The following STX12 variants were observed in gnomAD, a reference collection of about 807,000 sequenced individuals.
STX12 encodes the protein syntaxin-12.
A neutral mutation model predicts 42.2 loss-of-function variants in STX12; 17 were observed. That is an observed-to-expected ratio of 0.40 (90% confidence interval 0.28 to 0.60). The LOEUF is 0.60. Ranked by LOEUF, STX12 falls within the 20% of genes least tolerant of loss-of-function variation. The pLI is 0.39. For synonymous variants in STX12, 108 were observed against 116.7 expected (o/e 0.93, Z 0.48); for missense variants, 297 against 330.9 (o/e 0.90, Z 0.79).
intron 1 of STX12, among the ~76,000 whole-genome samples, chr1:27,781,879 T>A (rs1398913945): frequency 2.0e-5 from 3 of 152,186 alleles, no homozygotes; most frequent in African/African-American, 7.2e-5. Flanking sequence ...TGGTCTTGAG[T>A]TTGATAATAA....
intron 1 of STX12, among the ~76,000 whole-genome samples, chr1:27,780,067 A>G (rs2088657481): frequency 6.6e-6 from 1 of 152,080 alleles, no homozygotes; most frequent in African/African-American, 2.4e-5. Flanking sequence ...CTGGGATTAC[A>G]AGCATGAGTC....
chr1:27,801,263 TATG>T (rs1287449172), intron 3 of STX12, among the ~76,000 whole-genome samples: 1 of 151,710 alleles, frequency 6.6e-6, no homozygotes, highest in Non-Finnish European at 1.5e-5. Context: ...ATTAGCCAGG[TATG>T]GTGGTGGGTG....
intron 2 of STX12, among the ~76,000 whole-genome samples, chr1:27,791,050 C>T (rs892871272): frequency 3.9e-4 from 60 of 152,248 alleles, no homozygotes; most frequent in South Asian, 6.2e-4. Context: ...CACCCGAGGT[C>T]GGGAGTTCAA....
At chr1:27,819,014 G>A (rs1400779646) in intron 7 of STX12, among the ~76,000 whole-genome samples, 1 of 151,892 alleles carries the variant, frequency 6.6e-6, no homozygotes, top group African/African-American at 2.4e-5. Flanking sequence ...GGTTGCTCAC[G>A]CTTGTAATCC....
At chr1:27,820,014 G>C (rs1370976523) in intron 8 of STX12, 1 of 250,142 alleles carries the variant, frequency 4.0e-6, no homozygotes, top group Non-Finnish European at 8.0e-6. Context: ...TTTATATCCC[G>C]AACAGCTGAA....
chr1:27,773,504 G>C, intron 1 of STX12, 79 bp downstream of exon 1: 1 of 1,378,088 alleles, frequency 7.3e-7, no homozygotes. Flanking sequence ...CGCAGGGCCC[G>C]GCTGGGGCTA....
intron 4 of STX12, among the ~76,000 whole-genome samples, chr1:27,805,483 G>A (rs921977513): frequency 6.6e-6 from 1 of 152,118 alleles, no homozygotes; most frequent in Non-Finnish European, 1.5e-5. Context: ...AAGGCAGCTA[G>A]ATTTTCATAG....
intron 1 of STX12, among the ~76,000 whole-genome samples, chr1:27,786,502 C>T (rs987947874): frequency 3.9e-5 from 6 of 152,076 alleles, no homozygotes; most frequent in Admixed American, 1.3e-4. Context: ...CTCTGCCCAC[C>T]GCTGTCACCT....
chr1:27,777,699 A>G (rs1003504665), intron 1 of STX12, among the ~76,000 whole-genome samples: 1 of 152,042 alleles, frequency 6.6e-6, no homozygotes, highest in African/African-American at 2.4e-5. Context: ...AGCCTGGCCA[A>G]TATGGTGAAA....
At chr1:27,792,274 CTATA>C (rs1352173609) in intron 2 of STX12, among the ~76,000 whole-genome samples, 2 of 88,032 alleles carry the variant, frequency 2.3e-5, no homozygotes, top group Admixed American at 1.2e-4. Context: ...ATATATGTAT[CTATA>C]TATATGTAGA....
chr1:27,775,869 A>G (rs2088625264), intron 1 of STX12, among the ~76,000 whole-genome samples: 1 of 152,218 alleles, frequency 6.6e-6, no homozygotes, highest in Non-Finnish European at 1.5e-5. Context: ...GGGGAAGCAT[A>G]GAGTATATCT....
At chr1:27,789,353 G>A (rs1252034046) in intron 1 of STX12, among the ~76,000 whole-genome samples, 1 of 152,148 alleles carries the variant, frequency 6.6e-6, no homozygotes, top group African/African-American at 2.4e-5. Flanking sequence ...TCTACTTTGT[G>A]ACACAGTTAC....
chr1:27,799,481 TTTTTTTTG>T lies in STX12; in HGVS notation c.289-2189_289-2182del, dbSNP rs1358472571. Among the ~76,000 whole-genome samples the T allele has an allele frequency of 2.4e-4, 35 of 148,560 alleles. 2 individuals are homozygous for T. The highest frequency in any genetic ancestry group is 9.2e-4 in the African/African-American group (35 of 38,166). On this transcript the variant is annotated intron_variant, in intron 3 of 8. Coordinates refer to ENST00000373943, the MANE Select transcript of STX12 (RefSeq NM_177424.3). ...GAACCCCAAACTCATTAGCTTGTTT[TTTTTTTTG>T]TTTTTTTTTTTGAGACAGAACCTGG...
At chr1:27,787,779 G>A (rs932601138) in intron 1 of STX12, among the ~76,000 whole-genome samples, 2 of 152,114 alleles carry the variant, frequency 1.3e-5, no homozygotes, top group African/African-American at 4.8e-5. Flanking sequence ...ACAAGATTAT[G>A]ACTGTGTCCC....
intron 3 of STX12, among the ~76,000 whole-genome samples, chr1:27,800,526 TG>T (rs1196520122): frequency 1.3e-5 from 2 of 149,198 alleles, no homozygotes; most frequent in African/African-American, 5.0e-5. Context: ...TGTGTGTGTG[TG>T]TGTGTTTTGT....
rs2088699164 is a variant in STX12 at position 27,786,397 on chromosome 1, C to G, written c.119-3165C>G. ...TATCAGAGAGGTCTCTCTGACCACT[C>G]TATATAACTAGTATCCTCTGCCCAC... On this transcript the variant is annotated intron_variant, in intron 1 of 8. Transcript: ENST00000373943. Among the ~76,000 whole-genome samples, 3 of 152,160 alleles carry G rather than the reference C, an allele frequency of 2.0e-5. No individual in the cohort carries two copies. The South Asian group carries it at 6.2e-4, about 32-fold the overall frequency.
intron 1 of STX12, among the ~76,000 whole-genome samples, chr1:27,779,343 G>T (rs200175206): frequency 7.0e-4 from 101 of 144,008 alleles, no homozygotes; most frequent in African/African-American, 2.4e-3. Context: ...GTTTTTTTTT[G>T]TTTTTTTTTG....
intron 1 of STX12, among the ~76,000 whole-genome samples, chr1:27,787,038 G>T (rs1220658256): frequency 6.6e-6 from 1 of 152,182 alleles, no homozygotes; most frequent in African/African-American, 2.4e-5. Flanking sequence ...TCACTTAGTA[G>T]AATAGATATC....
At chr1:27,798,157 A>C (rs1447701787) in intron 3 of STX12, among the ~76,000 whole-genome samples, 1 of 152,212 alleles carries the variant, frequency 6.6e-6, no homozygotes, top group Non-Finnish European at 1.5e-5. Flanking sequence ...GGCTTACTTT[A>C]TAATATTTAA....
Sources: allele counts gnomAD v4.1 joint callset (sites outside exome capture counted in the v4.1 genomes callset), GRCh38; gene constraint gnomAD v4.1.1; transcripts MANE v1.5; gene names NCBI Gene and HGNC (gene_info 2026-07-23, HGNC 2026-07-21).